The following NUP210 variants were observed in gnomAD, a reference collection of about 807,000 sequenced individuals.
NUP210 encodes nucleoporin 210.
A neutral mutation model predicts 196.0 loss-of-function variants in NUP210; 151 were observed. The observed-to-expected ratio is 0.77, with a 90% CI of 0.67 to 0.88. The LOEUF (loss-of-function observed/expected upper bound fraction) is 0.88, where lower values mean the gene tolerates loss of function less well. NUP210 is among the 40% of genes least tolerant of loss of function. The pLI is 0.00. For synonymous variants in NUP210, 1,070 were observed against 1,052.7 expected, an observed-to-expected ratio of 1.02 and a Z score of -0.32; for missense variants, 2,314 against 2,493.7, an observed-to-expected ratio of 0.93 and a Z score of 1.53.
chr3:13,369,629 T>A (rs1698657665), intron 13 of NUP210, among the ~76,000 whole-genome samples: 1 of 152,236 alleles, frequency 6.6e-6, no homozygotes, highest in Non-Finnish European at 1.5e-5. Context: ...TTCTTATGCA[T>A]GTCGATACGT....
At chr3:13,407,104 T>C (rs1041937764) in intron 1 of NUP210, among the ~76,000 whole-genome samples, 4 of 152,080 alleles carry the variant, frequency 2.6e-5, no homozygotes, top group Non-Finnish European at 2.9e-5. Flanking sequence ...GGAATGAAAA[T>C]AGCACCTATA....
At chr3:13,412,966 G>A (rs1700226205) in intron 1 of NUP210, among the ~76,000 whole-genome samples, 1 of 151,608 alleles carries the variant, frequency 6.6e-6, no homozygotes. Flanking sequence ...GCAAGACTCT[G>A]TCTCAAAAAA....
Position 13,381,860 on chromosome 3 carries a change from C to T in NUP210, c.818-2139G>A, listed in dbSNP as rs1169348738. 2.6e-5 allele frequency among the ~76,000 whole-genome samples: 4 copies of T among 152,066 alleles called. No individual in the cohort carries two copies. In the South Asian group the frequency reaches 6.2e-4, roughly 24 times the overall value. ...TTGTTTCTGTCAGCGCCCCCACTCC[C>T]GGACCTTGCACTCCACATGAGCTCC... On this transcript the variant is annotated intron_variant, in intron 6 of 39. Coordinates refer to ENST00000254508, the MANE Select transcript of NUP210 (RefSeq NM_024923.4).
chr3:13,368,225 G>A (rs1436823932), intron 13 of NUP210, among the ~76,000 whole-genome samples: 9 of 152,028 alleles, frequency 5.9e-5, no homozygotes, highest in African/African-American at 9.7e-5. Context: ...ACAGGAGTGA[G>A]CCACCACACC....
At chr3:13,375,436 T>G in intron 11 of NUP210, 68 bp downstream of exon 11, 1 of 1,464,292 alleles carries the variant, frequency 6.8e-7, no homozygotes, top group Non-Finnish European at 9.4e-7. Flanking sequence ...AGTAATAGAA[T>G]GGACAAAAAG....
chr3:13,409,742 C>G (rs1284806660), intron 1 of NUP210, among the ~76,000 whole-genome samples: 1 of 152,030 alleles, frequency 6.6e-6, no homozygotes, highest in African/African-American at 2.4e-5. Flanking sequence ...GGCCACAGGC[C>G]TCCCACCTTT....
chr3:13,319,004 C>A (rs1210753118), intron 39 of NUP210, 68 bp downstream of exon 39: 6 of 1,444,142 alleles, frequency 4.2e-6, no homozygotes, highest in East Asian at 2.4e-5. Flanking sequence ...GGAGCCTCGA[C>A]CCCTCCCCCA....
rs1207205284 is a variant in NUP210, at chr3:13,378,967, T to C, written c.990A>G (p.Gln330=). The C allele has an allele frequency of 1.9e-6, 3 of 1,613,922 alleles. No homozygotes were observed. Among genetic ancestry groups the C allele is most frequent in the East Asian group, 2.2e-5 (1 of 44,900 alleles). ...TGCTGTTGGGTAACCTAGAAGCACCTTGCATGCGAATACCTGAATTTTGAA... is the reference window on the plus strand; with the variant it reads ...TGCTGTTGGGTAACCTAGAAGCACCCTGCATGCGAATACCTGAATTTTGAA... ...LVLGHRSIRM[Q]GASRLPNSTI... Residue 330 remains glutamine (Q), a synonymous_variant, in exon 8 of 40, where the codon CAA becomes CAG. Transcript: ENST00000254508.
At chr3:13,395,537 C>T (rs1699624229) in intron 3 of NUP210, among the ~76,000 whole-genome samples, 2 of 152,164 alleles carry the variant, frequency 1.3e-5, no homozygotes, top group Admixed American at 6.5e-5. Flanking sequence ...AAGCTGGTCT[C>T]GAATTCCTGA....
intron 1 of NUP210, among the ~76,000 whole-genome samples, chr3:13,404,327 A>G (rs1699932946): frequency 6.6e-6 from 1 of 152,232 alleles, no homozygotes; most frequent in Non-Finnish European, 1.5e-5. Context: ...AAAATAGAGA[A>G]GGTGGAAGTG....
At chr3:13,346,049 A>T (rs1697711314) in intron 20 of NUP210, among the ~76,000 whole-genome samples, 2 of 152,214 alleles carry the variant, frequency 1.3e-5, no homozygotes, top group South Asian at 4.1e-4. Context: ...CCTCCTTTAA[A>T]AGAACCATCT....
At chr3:13,398,408 A>G (rs1207162061) in intron 2 of NUP210, among the ~76,000 whole-genome samples, 1 of 152,166 alleles carries the variant, frequency 6.6e-6, no homozygotes, top group Non-Finnish European at 1.5e-5. Context: ...ACACCACTGC[A>G]CTCCAGCTGG....
chr3:13,354,871 G>T (rs1698115613), intron 16 of NUP210, among the ~76,000 whole-genome samples: 1 of 152,210 alleles, frequency 6.6e-6, no homozygotes, highest in Non-Finnish European at 1.5e-5. Context: ...CACCACTCTG[G>T]GGTGATCTCT....
intron 6 of NUP210, among the ~76,000 whole-genome samples, chr3:13,386,020 A>G (rs1199237338): frequency 3.3e-5 from 5 of 152,238 alleles, no homozygotes; most frequent in African/African-American, 9.6e-5. Flanking sequence ...GACAGGAAAT[A>G]GAGTGATGAG....
intron 37 of NUP210, 97 bp downstream of exon 37, chr3:13,319,666 A>G: frequency 9.6e-7 from 1 of 1,046,462 alleles, no homozygotes; most frequent in Non-Finnish European, 1.4e-6. Flanking sequence ...TGACTCCTCC[A>G]TTTCTTACAC....
At chr3:13,357,556 C>T (rs1698222430) in intron 16 of NUP210, among the ~76,000 whole-genome samples, 1 of 152,192 alleles carries the variant, frequency 6.6e-6, no homozygotes, top group South Asian at 2.1e-4. Context: ...CACCCACCTC[C>T]TCTGAAAAGG....
chr3:13,335,544 G>A lies in NUP210; in HGVS notation c.3753C>T (p.Thr1251=), dbSNP rs1490049824. The change falls in exon 28 of 40, where the codon ACC becomes ACT. Residue 1251 remains threonine (T), a synonymous_variant. Coordinates refer to ENST00000254508, the MANE Select transcript of NUP210 (RefSeq NM_024923.4). ...CAGCCTTGACCACCACCCTCAGCCCGGTCCGGCCTTTTACCCGGCCGAGCA... is the reference window on the plus strand; with the variant it reads ...CAGCCTTGACCACCACCCTCAGCCCAGTCCGGCCTTTTACCCGGCCGAGCA... The part of the protein sequence containing the change: ...MNVLGRVKGR[T]GLRVVVKAVD... 42 of 1,613,960 alleles carry A rather than the reference G, an allele frequency of 2.6e-5. No homozygotes were observed. Among genetic ancestry groups the A allele is most frequent in the East Asian group, 6.7e-5 (3 of 44,894 alleles).
At chr3:13,331,663 T>C (rs543955651) in intron 29 of NUP210, among the ~76,000 whole-genome samples, 1 of 152,344 alleles carries the variant, frequency 6.6e-6, no homozygotes, top group African/African-American at 2.4e-5. Flanking sequence ...TGGCACTTTG[T>C]TACTTTTGGC....
At position 13,319,758 on chromosome 3, in the gene NUP210, C is replaced by T; in HGVS notation, c.5383+5G>A. On this transcript the variant is annotated splice_donor_5th_base_variant and intron_variant, in intron 37 of 39. Coordinates refer to ENST00000254508, the MANE Select transcript of NUP210 (RefSeq NM_024923.4). ...TGTCCCAGATGATGTCGTTCCGTGA[C>T]TCACAAGGACCGGGCCCACGGCGAT... 1.9e-6 allele frequency: 3 copies of T among 1,613,648 alleles called. No individual in the cohort carries two copies. Among genetic ancestry groups the T allele is most frequent in the Non-Finnish European group, 2.5e-6 (3 of 1,179,588 alleles).
Sources: gnomAD v4.1 joint callset for allele counts (sites outside exome capture counted in the v4.1 genomes callset) on GRCh38, gnomAD v4.1.1 for gene constraint, MANE v1.5 for transcripts, NCBI Gene and HGNC (gene_info 2026-07-23, HGNC 2026-07-21) for gene names.